The following HSDL2 variants were observed in gnomAD, a reference collection of about 807,000 sequenced individuals.
The protein encoded by HSDL2 is hydroxysteroid dehydrogenase-like protein 2.
Under a neutral mutation model 46.3 loss-of-function variants are expected in HSDL2, and 27 were observed. That is an observed-to-expected ratio of 0.58 (90% CI 0.43 to 0.80). The LOEUF (loss-of-function observed/expected upper bound fraction) is 0.80, where lower values mean the gene tolerates loss of function less well. Ranked by LOEUF, HSDL2 falls within the 30% of genes least tolerant of loss-of-function variation. HSDL2 has a pLI of 0.00. For missense variants in HSDL2, 451 were observed against 502.7 expected, an observed-to-expected ratio of 0.90 and a Z score of 0.98; for synonymous variants, 153 against 163.6, an observed-to-expected ratio of 0.94 and a Z score of 0.50.
intron 1 of HSDL2, among the ~76,000 whole-genome samples, chr9:112,384,080 T>C (rs1249388682): frequency 1.3e-5 from 2 of 152,214 alleles, no homozygotes; most frequent in Non-Finnish European, 2.9e-5. Context: ...TGGATTATTT[T>C]TCAGAATTTT....
At chr9:112,403,918 A>G in intron 1 of HSDL2, 77 bp from the exon 2 acceptor site, 4 of 1,424,138 alleles carry the variant, frequency 2.8e-6, no homozygotes, top group Non-Finnish European at 3.9e-6. Context: ...TATTATGAAA[A>G]TATGCATGAG....
chr9:112,462,699 G>A (rs1467197182), intron 10 of HSDL2, among the ~76,000 whole-genome samples: 2 of 151,344 alleles, frequency 1.3e-5, no homozygotes, highest in Non-Finnish European at 2.9e-5. Context: ...GTATTGTTGA[G>A]GTCTAATTCA....
intron 4 of HSDL2, among the ~76,000 whole-genome samples, chr9:112,412,878 C>A (rs1000450509): frequency 6.6e-6 from 1 of 151,546 alleles, no homozygotes; most frequent in Non-Finnish European, 1.5e-5. Flanking sequence ...CCGAGGCAGG[C>A]GGATTACTTG....
At chr9:112,452,585 A>G (rs1564130281) in intron 8 of HSDL2, among the ~76,000 whole-genome samples, 1 of 152,192 alleles carries the variant, frequency 6.6e-6, no homozygotes, top group Non-Finnish European at 1.5e-5. Flanking sequence ...TGTCTCTACT[A>G]AAAATTCAAA....
intron 10 of HSDL2, among the ~76,000 whole-genome samples, chr9:112,463,903 T>C (rs1275395499): frequency 6.6e-6 from 1 of 151,992 alleles, no homozygotes; most frequent in East Asian, 1.9e-4. Context: ...TCGAGTGATC[T>C]ACCCACCTCA....
intron 1 of HSDL2, among the ~76,000 whole-genome samples, chr9:112,380,557 T>G (rs1831061359): frequency 6.6e-6 from 1 of 152,104 alleles, no homozygotes; most frequent in Non-Finnish European, 1.5e-5. Flanking sequence ...TTTAAAGAGT[T>G]TTCACTTGTT....
rs10641655 is a variant in HSDL2 at position 112,383,470 on chromosome 9, A to AT, written c.17+3297dup. On this transcript the variant is annotated intron_variant, in intron 1 of 10. Transcript: ENST00000398805. ...TATTGTCTATATTTTTTATAGTCAG[A>AT]TTTTTTTATCCCCCTGAGATTTCTT... Among the ~76,000 whole-genome samples the AT allele has an allele frequency of 2.7e-3, 416 of 151,918 alleles. 2 individuals carry two copies. Among genetic ancestry groups the AT allele is most frequent in the African/African-American group, 9.4e-3 (389 of 41,424 alleles).
intron 10 of HSDL2, among the ~76,000 whole-genome samples, chr9:112,465,544 C>T (rs1428776216): frequency 6.6e-6 from 1 of 152,184 alleles, no homozygotes; most frequent in Non-Finnish European, 1.5e-5. Context: ...ATACCTGTAC[C>T]ATATGTAAGT....
chr9:112,420,794 A>AT (rs1158247544), intron 6 of HSDL2, among the ~76,000 whole-genome samples: 1 of 152,186 alleles, frequency 6.6e-6, no homozygotes, highest in Non-Finnish European at 1.5e-5. Context: ...TCTAATTCTA[A>AT]TGTAACATCA....
intron 1 of HSDL2, among the ~76,000 whole-genome samples, chr9:112,397,713 C>T (rs182650796): frequency 1.1e-3 from 171 of 152,142 alleles, no homozygotes; most frequent in African/African-American, 3.7e-3. Flanking sequence ...CCACCAGGTA[C>T]GGAATTGTAA....
At chr9:112,441,809 T>C in intron 8 of HSDL2, 39 bp downstream of exon 8, 1 of 1,277,980 alleles carries the variant, frequency 7.8e-7, no homozygotes, top group Non-Finnish European at 1.1e-6. Context: ...AAAATATAAA[T>C]CCTAACTTAT....
chr9:112,444,817 G>A (rs563091532), intron 8 of HSDL2, among the ~76,000 whole-genome samples: 2 of 150,438 alleles, frequency 1.3e-5, no homozygotes, highest in East Asian at 3.9e-4. Flanking sequence ...TGGAACACAG[G>A]GAGCCCACTC....
chr9:112,455,750 C>T (rs1211108126), intron 9 of HSDL2, among the ~76,000 whole-genome samples: 1 of 152,206 alleles, frequency 6.6e-6, no homozygotes, highest in Non-Finnish European at 1.5e-5. Context: ...CACCTCTTCC[C>T]TGCCAGTGTC....
At chr9:112,394,035 A>T (rs1468169602) in intron 1 of HSDL2, among the ~76,000 whole-genome samples, 1 of 152,176 alleles carries the variant, frequency 6.6e-6, no homozygotes, top group African/African-American at 2.4e-5. Context: ...AGGGATGCCG[A>T]AGAGGTAGAG....
chr9:112,412,150 G>C (rs1267956336), intron 4 of HSDL2, among the ~76,000 whole-genome samples: 1 of 152,184 alleles, frequency 6.6e-6, no homozygotes, highest in Non-Finnish European at 1.5e-5. Context: ...CAAATTTTTG[G>C]AGTAGTGATG....
At chr9:112,431,640 C>T (rs1025574255) in intron 6 of HSDL2, among the ~76,000 whole-genome samples, 3 of 152,096 alleles carry the variant, frequency 2.0e-5, no homozygotes, top group African/African-American at 7.2e-5. Context: ...CTGCCCTCAC[C>T]ATAGTGAGTG....
At chr9:112,449,910 C>T (rs1156808859) in intron 8 of HSDL2, among the ~76,000 whole-genome samples, 1 of 151,840 alleles carries the variant, frequency 6.6e-6, no homozygotes. Context: ...CATCTGATTC[C>T]TTACTTTTTT....
At chr9:112,454,630 T>A in intron 9 of HSDL2, among the ~76,000 whole-genome samples, 1 of 152,216 alleles carries the variant, frequency 6.6e-6, no homozygotes, top group Non-Finnish European at 1.5e-5. Context: ...ATAGGCACCT[T>A]GCCATTTTTA....
intron 4 of HSDL2, among the ~76,000 whole-genome samples, chr9:112,411,113 G>T (rs1258093461): frequency 6.6e-6 from 1 of 152,184 alleles, no homozygotes; most frequent in Non-Finnish European, 1.5e-5. Flanking sequence ...GAGCTCTGTT[G>T]TCTTCTGGAT....
Sources: gnomAD v4.1 joint callset for allele counts (sites outside exome capture counted in the v4.1 genomes callset) on GRCh38, gnomAD v4.1.1 for gene constraint, MANE v1.5 for transcripts, NCBI Gene and HGNC (gene_info 2026-07-23, HGNC 2026-07-21) for gene names.